RAB11FIP1: variants seen among roughly 807,000 people sequenced by gnomAD.
The protein encoded by RAB11FIP1 is RAB11 family interacting protein 1.
In RAB11FIP1, 49 loss-of-function variants were observed where a neutral mutation model predicts 83.1. The ratio of observed to expected loss-of-function variants is 0.59; its 90% CI spans 0.47 to 0.75. RAB11FIP1 has a LOEUF of 0.75. RAB11FIP1 is among the 30% of genes least tolerant of loss of function. RAB11FIP1 has a pLI of 0.00. For missense variants in RAB11FIP1, 1,536 were observed against 1,598.7 expected (o/e 0.96, Z 0.67); for synonymous variants, 670 against 656.0 (o/e 1.02, Z -0.33).
chr8:37,874,919 CCCACTGA>C lies in RAB11FIP1; in HGVS notation c.1211_1217del (p.Val404GlyfsTer34). ...CGGGGGCCATGTTTTCCCTGAGGTC[CCCACTGA>C]CCAGTGGGGCAGGTCGGTAGGACGG... On this transcript the variant is annotated frameshift_variant, in exon 3 of 6. Transcript: ENST00000330843. LOFTEE classifies it high-confidence loss of function. The C allele has an allele frequency of 1.9e-6, 3 of 1,614,118 alleles. No homozygotes were observed. Among genetic ancestry groups the C allele is most frequent in the Non-Finnish European group, 1.7e-6 (2 of 1,180,012 alleles).
chr8:37,861,540 G>T lies in RAB11FIP1; in HGVS notation c.*1355C>A, dbSNP rs1481966972. On this transcript the variant is annotated 3_prime_UTR_variant, in exon 6 of 6. Coordinates refer to ENST00000330843, the MANE Select transcript of RAB11FIP1 (RefSeq NM_001002814.3). ...CTCCTGTCCCCTGTAGAGTGAAGGG[G>T]CTTCTTTTTTTCTTTTTAGTTTTTT... The T allele has an allele frequency of 6.8e-6, 3 of 443,138 alleles. No homozygotes were observed. The highest frequency in any genetic ancestry group is 1.3e-5 in the Non-Finnish European group (3 of 223,848). The allele number at this position is 443,138 out of a possible 1,614,324, so 27.5% of individuals were successfully genotyped here.
At position 37,875,101 on chromosome 8, in the gene RAB11FIP1, G is replaced by A; in HGVS notation, c.1036C>T (p.Pro346Ser). The A allele has an allele frequency of 6.2e-7, 1 of 1,614,144 alleles. No individual in the cohort carries two copies. Among genetic ancestry groups the A allele is most frequent in the Non-Finnish European group, 8.5e-7 (1 of 1,180,010 alleles). Reference protein sequence around the residue: ...KDSSPSSSPSPKGFRKKHLFS... With the variant: ...KDSSPSSSPSSKGFRKKHLFS... ...AAATGCTTCTTTCTGAAGCCCTTGG[G>A]GGATGGGGAGGAGGACGGGCTGCTA... Residue 346 changes from proline to serine, a missense_variant, in exon 3 of 6, where the codon CCC becomes TCC. Coordinates refer to ENST00000330843, the MANE Select transcript of RAB11FIP1 (RefSeq NM_001002814.3).
Position 37,862,656 on chromosome 8 carries a change from T to C in RAB11FIP1, c.*239A>G. ...ACATCTCTGGTGGGCATAAAATATT[T>C]ACAACCTTGTTAAAGGCACAGTGGC... On this transcript the variant is annotated 3_prime_UTR_variant, in exon 6 of 6. Transcript: ENST00000330843. The C allele has an allele frequency of 2.2e-6, 1 of 448,416 alleles. No individual in the cohort carries two copies. The highest frequency in any genetic ancestry group is 4.0e-6 in the Non-Finnish European group (1 of 247,156). 27.8% of individuals were successfully genotyped at this position (448,416 alleles called of 1,614,324 possible).
chr8:37,885,621 T>G (rs1806819315), intron 1 of RAB11FIP1, among the ~76,000 whole-genome samples: 1 of 152,180 alleles, frequency 6.6e-6, no homozygotes, highest in South Asian at 2.1e-4. Context: ...AAAAAGATGT[T>G]TTATGAAGAG....
chr8:37,866,737 A>T (rs1806348854), intron 5 of RAB11FIP1, among the ~76,000 whole-genome samples: 3 of 152,170 alleles, frequency 2.0e-5, no homozygotes, highest in African/African-American at 7.2e-5. Context: ...TTAGCTATGC[A>T]ATTTCTTTCC....
rs145056359 is a variant in RAB11FIP1 at position 37,867,325 on chromosome 8, C to T, written c.3633+3095G>A. ...ATATTGTACATTTTTAGGCTAGGGCCGAAATGTAGTAGGTACACAATTCTG... is the reference window on the plus strand; with the variant it reads ...ATATTGTACATTTTTAGGCTAGGGCTGAAATGTAGTAGGTACACAATTCTG... On this transcript the variant is annotated intron_variant, in intron 5 of 5. Transcript: ENST00000330843. 3.3e-4 allele frequency among the ~76,000 whole-genome samples: 51 copies of T among 152,306 alleles called. No homozygotes were observed. In the East Asian group the frequency reaches 9.2e-3, roughly 28 times the overall value.
chr8:37,861,785 C>T lies in RAB11FIP1; in HGVS notation c.*1110G>A, dbSNP rs186623218. ...TGTATTTTTAGTAGAGATGGGGTTT[C>T]GCCATGTTGGTCAGGCTGGTCTCGA... On this transcript the variant is annotated 3_prime_UTR_variant, in exon 6 of 6. Transcript: ENST00000330843. 7.5e-4 allele frequency: 252 copies of T among 338,102 alleles called. 1 individual carries two copies. Among genetic ancestry groups the T allele is most frequent in the Middle Eastern group, 2.1e-3 (2 of 946 alleles). The allele number at this position is 338,102 out of a possible 1,614,324, so 20.9% of individuals were successfully genotyped here.
Position 37,872,120 on chromosome 8 carries a change from G to T in RAB11FIP1, c.2682C>A (p.Phe894Leu). 6.2e-7 allele frequency: 1 copy of T among 1,614,078 alleles called. No homozygotes were observed. The highest frequency in any genetic ancestry group is 8.5e-7 in the Non-Finnish European group (1 of 1,180,006). ...TTGCTTCACTCATGGGGACTTCGGA[G>T]AAACTCTCCTCCTGGGAGGGGAGGA... Reference protein sequence around the residue: ...HLLLPSQEESFSEVPMSEASS... With the variant: ...HLLLPSQEESLSEVPMSEASS... Residue 894 changes from phenylalanine to leucine, a missense_variant, in exon 4 of 6, where the codon TTC becomes TTA. Transcript: ENST00000330843.
At chr8:37,877,593 A>C in intron 1 of RAB11FIP1, 42 bp from the exon 2 acceptor site, 1 of 1,304,132 alleles carries the variant, frequency 7.7e-7, no homozygotes, top group Non-Finnish European at 1.1e-6. Flanking sequence ...GAATGGAAGC[A>C]ACTGCAACAA....
intron 2 of RAB11FIP1, among the ~76,000 whole-genome samples, chr8:37,876,200 A>G (rs1756889251): frequency 6.7e-6 from 1 of 148,456 alleles, no homozygotes; most frequent in Non-Finnish European, 1.5e-5. Context: ...ATCTCAAAAG[A>G]AAAGAAAAGA....
Position 37,899,422 on chromosome 8 carries a change from GC to G in RAB11FIP1, c.19del (p.Ala7LeufsTer16). The G allele has an allele frequency of 6.3e-7, 1 of 1,579,130 alleles. No individual in the cohort carries two copies. The highest frequency in any genetic ancestry group is 8.6e-7 in the Non-Finnish European group (1 of 1,165,416). On this transcript the variant is annotated frameshift_variant, in exon 1 of 6. Coordinates refer to ENST00000330843, the MANE Select transcript of RAB11FIP1 (RefSeq NM_001002814.3). LOFTEE classifies it high-confidence loss of function. This position sits in a 1 kb window ranked among gnomAD's most constrained non-coding sequence, Gnocchi z 4.5. Reference sequence around the variant, plus strand: ...CCACACGGCCCCCAGGCCCCGGCCAGCCGAGACCATTAGGGACATGGTGACG... The same window carrying G: ...CCACACGGCCCCCAGGCCCCGGCCAGCGAGACCATTAGGGACATGGTGACG... Reference protein sequence around the residue: MSLMVSAGRGLGAVWSP... With the variant: MSLMVSXGRGLGAVWSP...
rs756518172 is a variant in RAB11FIP1, at chr8:37,877,209, C to G, written c.714G>C (p.Leu238=). 1 of 1,614,114 alleles carries G rather than the reference C, an allele frequency of 6.2e-7. No individual in the cohort carries two copies. The highest frequency in any genetic ancestry group is 1.1e-5 in the South Asian group (1 of 91,084). Reference sequence around the variant, plus strand: ...GCACTTTTTCTGGCTTTGAAGTCGGCAGGACAGACATGGACTGGGAAAGAG... The same window carrying G: ...GCACTTTTTCTGGCTTTGAAGTCGGGAGGACAGACATGGACTGGGAAAGAG... ...KTPLSQSMSV[L]PTSKPEKVLL... Residue 238 remains leucine, a synonymous_variant, in exon 2 of 6, where the codon CTG becomes CTC. Transcript: ENST00000330843.
intron 1 of RAB11FIP1, among the ~76,000 whole-genome samples, chr8:37,895,217 CAATATATA>C (rs1237851215): frequency 1.2e-4 from 4 of 32,638 alleles, no homozygotes; most frequent in South Asian, 1.6e-3. Context: ...AGGTGCCTGC[CAATATATA>C]TATATATATA....
In RAB11FIP1 at chr8:37,860,789, A is replaced by G. The variant is rs1399837908; in HGVS notation, c.*2106T>C. The G allele has an allele frequency of 1.3e-5, 2 of 152,688 alleles. No individual in the cohort carries two copies. Among genetic ancestry groups the G allele is most frequent in the Non-Finnish European group, 2.9e-5 (2 of 68,046 alleles). 9.5% of individuals were successfully genotyped at this position (152,688 alleles called of 1,614,324 possible). A position where few individuals can be genotyped will look rare whatever the true frequency, so the allele number is the denominator to read the frequency against. On this transcript the variant is annotated 3_prime_UTR_variant, in exon 6 of 6. Transcript: ENST00000330843. The stretch of plus-strand genomic sequence containing the variant: ...CTGTAGGAGAGAATTAAATAAAATA[A>G]AATAGCTGTAGATAATTAAAAGCTA...
rs757084921 is a variant in RAB11FIP1 at position 37,874,931 on chromosome 8, T to C, written c.1206A>G (p.Pro402=). The change falls in exon 3 of 6, where the codon CCA becomes CCG. Residue 402 remains proline (P), a synonymous_variant. Coordinates refer to ENST00000330843, the MANE Select transcript of RAB11FIP1 (RefSeq NM_001002814.3). ...SMTLPSYRPA[P]LVSGDLRENM... ...TTTCCCTGAGGTCCCCACTGACCAG[T>C]GGGGCAGGTCGGTAGGACGGCAGGG... is the stretch of plus-strand genomic sequence containing the variant. 3 of 1,613,866 alleles carry C rather than the reference T, an allele frequency of 1.9e-6. No homozygotes were observed. The highest frequency in any genetic ancestry group is 1.7e-6 in the Non-Finnish European group (2 of 1,179,958).
Position 37,872,811 on chromosome 8 carries a change from T to C in RAB11FIP1, c.1991A>G (p.Asn664Ser). The change falls in exon 4 of 6, where the codon AAT (asparagine) becomes AGT (serine). Residue 664 changes from asparagine (N) to serine (S), a missense_variant. Transcript: ENST00000330843. The part of the protein sequence containing the change: ...SLFKQPSFPA[N>S]KGTEDSLMGR... ...CATCAGAGAATCTTCTGTCCCTTTA[T>C]TTGCTGGAAAGGATGGCTGTTTGAA... 1.9e-6 allele frequency: 3 copies of C among 1,614,212 alleles called. No individual in the cohort carries two copies. The highest frequency in any genetic ancestry group is 2.5e-6 in the Non-Finnish European group (3 of 1,180,032).
In RAB11FIP1 at chr8:37,874,548, G is replaced by A. The variant is rs115231204; in HGVS notation, c.1589C>T (p.Pro530Leu). The change falls in exon 3 of 6, where the codon CCG becomes CTG. Residue 530 changes from proline (P) to leucine (L), a missense_variant. Pro to Leu is a moderately conservative substitution (Grantham distance 98). Transcript: ENST00000330843. Reference sequence around the variant, plus strand: ...GACAGCTCTGGTCTGGGGAGCCCTCGGAGAGGAAATTGGAGGTCTCGGTTC... The same window carrying A: ...GACAGCTCTGGTCTGGGGAGCCCTCAGAGAGGAAATTGGAGGTCTCGGTTC... Reference protein sequence around the residue: ...KSEPRPPISSPRAPQTRAVKP... With the variant: ...KSEPRPPISSLRAPQTRAVKP... The A allele has an allele frequency of 1.3e-3, 2,070 of 1,614,190 alleles. 24 individuals carry two copies. The African/African-American group carries it at 0.023, about 18-fold the overall frequency.
chr8:37,895,538 T>G (rs1044349568), intron 1 of RAB11FIP1, among the ~76,000 whole-genome samples: 4 of 151,560 alleles, frequency 2.6e-5, no homozygotes, highest in African/African-American at 9.7e-5. Flanking sequence ...GTCACAGTAC[T>G]TAGCCGATTC....
In RAB11FIP1 at chr8:37,875,086, T is replaced by C. The variant is rs1392332291; in HGVS notation, c.1051A>G (p.Lys351Glu). 8 of 1,614,022 alleles carry C rather than the reference T, an allele frequency of 5.0e-6. No individual in the cohort carries two copies. Among genetic ancestry groups the C allele is most frequent in the Non-Finnish European group, 6.8e-6 (8 of 1,180,030 alleles). ...SSSPSPKGFR[K>E]KHLFSSTENL... Reference sequence around the variant, plus strand: ...TCTGTAGAAGAGAACAAATGCTTCTTTCTGAAGCCCTTGGGGGATGGGGAG... The same window carrying C: ...TCTGTAGAAGAGAACAAATGCTTCTCTCTGAAGCCCTTGGGGGATGGGGAG... The change falls in exon 3 of 6, where the codon AAG becomes GAG. Residue 351 changes from lysine to glutamate, a missense_variant. Physicochemically the swap from Lys to Glu is moderately conservative, Grantham distance 56. Transcript: ENST00000330843.
Sources: allele counts gnomAD v4.1 joint callset (sites outside exome capture counted in the v4.1 genomes callset), GRCh38; gene constraint gnomAD v4.1.1; non-coding constraint Gnocchi (gnomAD v3.1); transcripts MANE v1.5; gene names NCBI Gene and HGNC (gene_info 2026-07-23, HGNC 2026-07-21).